The following VASH1 variants were observed in gnomAD, a reference collection of about 807,000 sequenced individuals.
VASH1 encodes vasohibin 1.
A neutral mutation model predicts 35.0 loss-of-function variants in VASH1; 16 were observed. The observed-to-expected ratio is 0.46, with a 90% CI of 0.31 to 0.70. The LOEUF is 0.70. VASH1 is among the 30% of genes least tolerant of loss of function. The probability of loss-of-function intolerance (pLI) is 0.05; values close to 1 mark genes in which losing one functional copy is unlikely to be tolerated. For missense variants in VASH1, 505 were observed against 510.7 expected, an observed-to-expected ratio of 0.99 and a Z score of 0.11; for synonymous variants, 214 against 200.9, an observed-to-expected ratio of 1.07 and a Z score of -0.55.
At chr14:76,773,102 C>T (rs758829468) in intron 3 of VASH1, 35 bp from the exon 4 acceptor site, 100 of 1,606,942 alleles carry the variant, frequency 6.2e-5, no homozygotes, top group Admixed American at 1.0e-4. Flanking sequence ...GGGCTGGAGG[C>T]GCTGTCCTTA....
intron 1 of VASH1, among the ~76,000 whole-genome samples, chr14:76,766,810 A>G (rs1893655209): frequency 6.6e-6 from 1 of 152,228 alleles, no homozygotes; most frequent in Admixed American, 6.5e-5. Flanking sequence ...TAATGATGAC[A>G]GTGAACACAA....
chr14:76,769,450 G>A, intron 1 of VASH1: 1 of 1,289,104 alleles, frequency 7.8e-7, no homozygotes, highest in Non-Finnish European at 1.0e-6. Flanking sequence ...TGGAAGGCAT[G>A]GCGAATATGC....
chr14:76,764,749 G>A (rs575121742), intron 1 of VASH1, among the ~76,000 whole-genome samples: 7 of 148,660 alleles, frequency 4.7e-5, no homozygotes, highest in Non-Finnish European at 7.4e-5. Context: ...GCAGTGGCAT[G>A]ATCTTGGCTC....
rs1238494975 is a variant in VASH1 at position 76,762,769 on chromosome 14, T to A, written c.-53T>A. On this transcript the variant is annotated 5_prime_UTR_variant, in exon 1 of 7. Transcript: ENST00000167106. ...CTCTGCAGCCGGTGTGTGGGAGGCC[T>A]CTTGTGAGCCAGTTGTTTTCCCGCC... 5.6e-6 allele frequency: 8 copies of A among 1,422,194 alleles called. No individual in the cohort carries two copies. In the Admixed American group the frequency reaches 1.5e-4, roughly 27 times the overall value. The allele number at this position is 1,422,194 out of a possible 1,614,324, so 88.1% of individuals were successfully genotyped here.
chr14:76,762,488 T>A lies in VASH1; in HGVS notation c.-334T>A. 1 of 203,484 alleles carries A rather than the reference T, an allele frequency of 4.9e-6. No individual in the cohort carries two copies. The highest frequency in any genetic ancestry group is 9.8e-6 in the Non-Finnish European group (1 of 102,480). The allele number at this position is 203,484 out of a possible 1,614,324, so 12.6% of individuals were successfully genotyped here. The stretch of plus-strand genomic sequence containing the variant: ...GTTTCCCTCCGACTTTTCTCCGCTC[T>A]GCCAGCCCTCACTGCTGCCCGTCAT... On this transcript the variant is annotated 5_prime_UTR_variant, in exon 1 of 7. Coordinates refer to ENST00000167106, the MANE Select transcript of VASH1 (RefSeq NM_014909.5).
chr14:76,762,792 G>A lies in VASH1; in HGVS notation c.-30G>A, dbSNP rs780937756. ...CCTCTTGTGAGCCAGTTGTTTTCCC[G>A]CCTCCACCACCCCCCTCGAAGATTT... On this transcript the variant is annotated 5_prime_UTR_variant, in exon 1 of 7. Coordinates refer to ENST00000167106, the MANE Select transcript of VASH1 (RefSeq NM_014909.5). 7 of 1,437,928 alleles carry A rather than the reference G, an allele frequency of 4.9e-6. No individual in the cohort carries two copies. The highest frequency in any genetic ancestry group is 6.4e-6 in the Non-Finnish European group (7 of 1,093,330). The allele number at this position is 1,437,928 out of a possible 1,614,324, so 89.1% of individuals were successfully genotyped here.
At chr14:76,769,880 T>C in intron 1 of VASH1, 83 bp from the exon 2 acceptor site, 1 of 1,455,042 alleles carries the variant, frequency 6.9e-7, no homozygotes, top group Non-Finnish European at 9.6e-7. Flanking sequence ...GGGGCGCCTC[T>C]GGGGCCAGTC....
At chr14:76,766,499 G>C (rs1260177617) in intron 1 of VASH1, among the ~76,000 whole-genome samples, 2 of 152,208 alleles carry the variant, frequency 1.3e-5, no homozygotes, top group Admixed American at 6.5e-5. Flanking sequence ...GGAATGCAGT[G>C]GCACAGTCAT....
At chr14:76,777,268 C>T (rs1272348172) in intron 5 of VASH1, among the ~76,000 whole-genome samples, 1 of 152,222 alleles carries the variant, frequency 6.6e-6, no homozygotes, top group African/African-American at 2.4e-5. Context: ...TCTCTTCTGC[C>T]CCTGAGCTGC....
Position 76,779,155 on chromosome 14 carries a change from A to C in VASH1, c.*137A>C. On this transcript the variant is annotated 3_prime_UTR_variant, in exon 7 of 7. Transcript: ENST00000167106. ...CTGCAGGAAGAGTGTGTTCCAGCTC[A>C]GCCCCCCAAGCTGCTCTCGCTCCCA... 1 of 964,844 alleles carries C rather than the reference A, an allele frequency of 1.0e-6. No individual in the cohort carries two copies. Among genetic ancestry groups the C allele is most frequent in the Non-Finnish European group, 1.6e-6 (1 of 618,564 alleles). 59.8% of individuals were successfully genotyped at this position (964,844 alleles called of 1,614,324 possible). A position where few individuals can be genotyped will look rare whatever the true frequency, so the allele number is the denominator to read the frequency against.
At chr14:76,772,078 A>G (rs1481482435) in intron 3 of VASH1, among the ~76,000 whole-genome samples, 1 of 152,048 alleles carries the variant, frequency 6.6e-6, no homozygotes, top group African/African-American at 2.4e-5. Flanking sequence ...CATCTCTACT[A>G]AAAATACAAA....
intron 1 of VASH1, among the ~76,000 whole-genome samples, chr14:76,768,738 C>CCCTA (rs1893710124): frequency 6.6e-6 from 1 of 152,204 alleles, no homozygotes. Flanking sequence ...CCTTACCCAG[C>CCCTA]CCTACCCCCT....
In VASH1 at chr14:76,762,896, C is replaced by T. The variant is rs572314298; in HGVS notation, c.75C>T (p.Pro25=). The T allele has an allele frequency of 3.2e-6, 5 of 1,571,472 alleles. No individual in the cohort carries two copies. The African/African-American group carries it at 5.4e-5, about 17-fold the overall frequency. The change falls in exon 1 of 7, where the codon CCC becomes CCT. Residue 25 remains proline (P), a synonymous_variant. Coordinates refer to ENST00000167106, the MANE Select transcript of VASH1 (RefSeq NM_014909.5). ...CAACGTCCGCTGCGGCCACCGCCCC[C>T]TCTGGGGTCAGGCGTTTGGAGACCA... is the stretch of plus-strand genomic sequence containing the variant. The part of the protein sequence containing the change: ...ATPTSAAATA[P]SGVRRLETSE...
At chr14:76,770,896 A>T (rs1301512459) in intron 2 of VASH1, among the ~76,000 whole-genome samples, 2 of 152,206 alleles carry the variant, frequency 1.3e-5, no homozygotes, top group Non-Finnish European at 2.9e-5. Context: ...GCTGGTTGGA[A>T]GATGAAGTGC....
chr14:76,776,236 A>AGGAGCTGGAGCGT lies in VASH1; in HGVS notation c.887_888insTGGAGCTGGAGCG (p.His297GlyfsTer48). The AGGAGCTGGAGCGT allele has an allele frequency of 6.2e-7, 1 of 1,605,298 alleles. No homozygotes were observed. Among genetic ancestry groups the AGGAGCTGGAGCGT allele is most frequent in the Non-Finnish European group, 8.5e-7 (1 of 1,177,762 alleles). On this transcript the variant is annotated frameshift_variant, in exon 5 of 7. Transcript: ENST00000167106. LOFTEE classifies it high-confidence loss of function. ...CGCCTGGGCCGCGATGACTTCCGCA[A>AGGAGCTGGAGCGT]GGAGCTGGAGCGCCACGCCCGCGAC...
chr14:76,767,432 G>A (rs1019116937), intron 1 of VASH1, among the ~76,000 whole-genome samples: 2 of 151,996 alleles, frequency 1.3e-5, no homozygotes, highest in African/African-American at 2.4e-5. Context: ...CATTGTGTTC[G>A]ATTGAAATAG....
At position 76,761,989 on chromosome 14, in the gene VASH1, T is replaced by G. The variant is rs866207053; in HGVS notation, c.-833T>G. Among the ~76,000 whole-genome samples the G allele has an allele frequency of 2.4e-4, 36 of 152,112 alleles. No homozygotes were observed. Among genetic ancestry groups the G allele is most frequent in the African/African-American group, 8.2e-4 (34 of 41,530 alleles). On this transcript the variant is annotated 5_prime_UTR_variant, in exon 1 of 7. Coordinates refer to ENST00000167106, the MANE Select transcript of VASH1 (RefSeq NM_014909.5). ...GCGCGGCGCCAGGTGCCAGCCGTCC[T>G]CCCGCTGAGACGCGCCCGAGTGGGG...
Position 76,763,024 on chromosome 14 carries a change from C to T in VASH1, c.203C>T (p.Pro68Leu). 6.5e-7 allele frequency: 1 copy of T among 1,549,270 alleles called. No individual in the cohort carries two copies. The highest frequency in any genetic ancestry group is 8.7e-7 in the Non-Finnish European group (1 of 1,146,052). The change falls in exon 1 of 7, where the codon CCT (proline) becomes CTT (leucine). Residue 68 changes from proline (P) to leucine (L), a missense_variant. Physicochemically the swap from Pro to Leu is moderately conservative, Grantham distance 98 (BLOSUM62 -3). Transcript: ENST00000167106. ...TTCTTTGTCAACCGGGGTGGGCTAC[C>T]TGTGGATGAGGCCACCTGGGAAAGG... ...VPFFVNRGGL[P>L]VDEATWERMW...
intron 4 of VASH1, chr14:76,774,822 G>A (rs1318024075): frequency 6.6e-6 from 1 of 152,354 alleles, no homozygotes; most frequent in Non-Finnish European, 1.5e-5. Context: ...TTGGGGTCAG[G>A]TTGACCTGGA....
Sources: gnomAD v4.1 joint callset for allele counts (sites outside exome capture counted in the v4.1 genomes callset) on GRCh38, gnomAD v4.1.1 for gene constraint, MANE v1.5 for transcripts, NCBI Gene and HGNC (gene_info 2026-07-23, HGNC 2026-07-21) for gene names.